The following UBE2A variants were observed in gnomAD, a reference collection of about 807,000 sequenced individuals.
UBE2A encodes ubiquitin conjugating enzyme E2 A, also known as ubiquitin-conjugating enzyme E2 A.
For synonymous variants in UBE2A, 39 were observed against 41.1 expected (o/e 0.95, Z 0.20); for missense variants, 27 against 125.8 (o/e 0.21, Z 3.76).
intron 3 of UBE2A, chrX:119,580,348 T>C (rs775847166): frequency 6.2e-5 from 7 of 112,144 alleles, no homozygotes; most frequent in Non-Finnish European, 1.1e-4. Context: ...TCTTCTCTCT[T>C]TCTTAAGCAG....
intron 3 of UBE2A, chrX:119,575,697 T>C: frequency 3.2e-6 from 1 of 312,654 alleles, no homozygotes; most frequent in South Asian, 4.4e-5. Context: ...GTAATTCTGC[T>C]AAATTCAGCC....
chrX:119,575,984 C>T (rs192165310), intron 3 of UBE2A, among the ~76,000 whole-genome samples: 52 of 112,138 alleles, frequency 4.6e-4, no homozygotes, highest in African/African-American at 1.6e-3. Flanking sequence ...AGTGAATTTG[C>T]AGTGTGTGCT....
intron 2 of UBE2A, 182 bp downstream of exon 2, chrX:119,575,163 C>T: frequency 1.3e-6 from 1 of 766,212 alleles, no homozygotes; most frequent in Non-Finnish European, 1.9e-6. Flanking sequence ...CCAGGGGGAA[C>T]CGCTTGGGGT....
At position 119,574,664 on chromosome X, in the gene UBE2A, G is replaced by A. The variant is rs1273814463; in HGVS notation, c.-48G>A. 1 of 1,178,412 alleles carries A rather than the reference G, an allele frequency of 8.5e-7. No homozygotes were observed. Among genetic ancestry groups the A allele is most frequent in the Non-Finnish European group, 1.1e-6 (1 of 879,168 alleles). On this transcript the variant is annotated 5_prime_UTR_variant, in exon 1 of 6. Coordinates refer to ENST00000371558, the MANE Select transcript of UBE2A (RefSeq NM_003336.4). ...CTCTTCGGCCTCCTCGCCCGCCGCG[G>A]GAACCCGAGACCCCAGTGTATGCCC...
intron 1 of UBE2A, 24 bp from the exon 2 acceptor site, chrX:119,574,877 G>A: frequency 8.3e-7 from 1 of 1,211,042 alleles, no homozygotes; most frequent in Non-Finnish European, 1.1e-6. Context: ...CGGCCTAGGG[G>A]GACCCCTGTC....
At chrX:119,582,212 C>CT (rs1369911634) in intron 4 of UBE2A, among the ~76,000 whole-genome samples, 2 of 112,371 alleles carry the variant, frequency 1.8e-5, no homozygotes, top group East Asian at 2.8e-4. Flanking sequence ...CTTGTGAACT[C>CT]TGAGTGATCT....
chrX:119,574,763 G>A lies in UBE2A; in HGVS notation c.44+8G>A. The A allele has an allele frequency of 2.5e-6, 3 of 1,190,210 alleles. No individual in the cohort carries two copies. The highest frequency in any genetic ancestry group is 3.4e-6 in the Non-Finnish European group (3 of 885,200). ...CATGCGGGACTTCAAGAGGTAAACC[G>A]AGGGGACGGCCGAGGCCGGGGGTTG... On this transcript the variant is annotated splice_region_variant and intron_variant, in intron 1 of 5. Coordinates refer to ENST00000371558, the MANE Select transcript of UBE2A (RefSeq NM_003336.4).
At chrX:119,580,295 T>G (rs1290288487) in intron 3 of UBE2A, 1 of 112,344 alleles carries the variant, frequency 8.9e-6, no homozygotes, top group African/African-American at 3.2e-5. Flanking sequence ...AACAAACTTT[T>G]TGATACTGTT....
chrX:119,575,267 C>G, intron 2 of UBE2A, 108 bp from the exon 3 acceptor site: 1 of 1,108,896 alleles, frequency 9.0e-7, no homozygotes. Context: ...TGGCTTCCGA[C>G]CCCGGTAGCG....
At chrX:119,582,523 T>C in intron 4 of UBE2A, 65 bp from the exon 5 acceptor site, 1 of 877,085 alleles carries the variant, frequency 1.1e-6, no homozygotes, top group Non-Finnish European at 1.6e-6. Flanking sequence ...TATTTTTGTT[T>C]TGTCTATAAT....
At chrX:119,578,518 G>A (rs2053432404) in intron 3 of UBE2A, among the ~76,000 whole-genome samples, 1 of 111,104 alleles carries the variant, frequency 9.0e-6, no homozygotes, top group South Asian at 3.8e-4. Flanking sequence ...TAAATCCTAT[G>A]ATGAAGAGTT....
At chrX:119,574,798 G>T (rs2053402500) in intron 1 of UBE2A, 43 bp downstream of exon 1, 5 of 1,185,654 alleles carry the variant, frequency 4.2e-6, no homozygotes, top group Non-Finnish European at 5.7e-6. Flanking sequence ...GCGAGCTGGG[G>T]CACAGGGCGG....
chrX:119,583,361 CTG>C lies in UBE2A; in HGVS notation c.*108_*109del. 1 of 1,112,344 alleles carries C rather than the reference CTG, an allele frequency of 9.0e-7. No individual in the cohort carries two copies. Among genetic ancestry groups the C allele is most frequent in the Non-Finnish European group, 1.2e-6 (1 of 813,030 alleles). 91.7% of individuals were successfully genotyped at this position (1,112,344 alleles called of 1,213,427 possible). A position where few individuals can be genotyped will look rare whatever the true frequency, so the allele number is the denominator to read the frequency against. On this transcript the variant is annotated 3_prime_UTR_variant, in exon 6 of 6. Coordinates refer to ENST00000371558, the MANE Select transcript of UBE2A (RefSeq NM_003336.4). ...ATTTACTTTATTAAAAGCAAAATAA[CTG>C]TTGTGCTGTTTCCATCTTCCTTGCC... is the stretch of plus-strand genomic sequence containing the variant.
At chrX:119,578,726 A>G (rs1342529067) in intron 3 of UBE2A, among the ~76,000 whole-genome samples, 1 of 111,463 alleles carries the variant, frequency 9.0e-6, no homozygotes, top group East Asian at 2.8e-4. Flanking sequence ...TACCCCCTCT[A>G]GTTCAACCAT....
chrX:119,583,800 G>A lies in UBE2A; in HGVS notation c.*545G>A, dbSNP rs1287210856. 1.7e-5 allele frequency: 2 copies of A among 117,139 alleles called. No individual in the cohort carries two copies. Among genetic ancestry groups the A allele is most frequent in the Middle Eastern group, 4.4e-3 (1 of 226 alleles). The allele number at this position is 117,139 out of a possible 1,213,427, so 9.7% of individuals were successfully genotyped here. ...AGATCTCAGTCATATGAATTACAAC[G>A]TAGTATTTACTGGCAAGAAGGAGAA... On this transcript the variant is annotated 3_prime_UTR_variant, in exon 6 of 6. Transcript: ENST00000371558.
At chrX:119,575,158 G>T (rs2053406896) in intron 2 of UBE2A, 177 bp downstream of exon 2, 13 of 771,315 alleles carry the variant, frequency 1.7e-5, no homozygotes, top group Non-Finnish European at 1.3e-5. Flanking sequence ...CGCTGCCAGG[G>T]GGAACCGCTT....
chrX:119,582,467 A>G (rs906736272), intron 4 of UBE2A, 121 bp from the exon 5 acceptor site: 1 of 467,755 alleles, frequency 2.1e-6, no homozygotes, highest in Admixed American at 3.6e-5. Flanking sequence ...GTTAACTGGG[A>G]AGCAACATAG....
chrX:119,580,405 T>A (rs1414759991), intron 3 of UBE2A: 1 of 112,257 alleles, frequency 8.9e-6, no homozygotes, highest in Non-Finnish European at 1.9e-5. Flanking sequence ...TTGCTAACTC[T>A]GAAGGAACCA....
At chrX:119,578,149 A>G (rs33999935) in intron 3 of UBE2A, among the ~76,000 whole-genome samples, 246 of 111,850 alleles carry the variant, frequency 2.2e-3, no homozygotes, top group African/African-American at 7.6e-3. Context: ...AGAGTGATGA[A>G]ATCTTAAGAC....
Sources: allele counts gnomAD v4.1 joint callset (sites outside exome capture counted in the v4.1 genomes callset), GRCh38; gene constraint gnomAD v4.1.1; transcripts MANE v1.5; gene names NCBI Gene and HGNC (gene_info 2026-07-23, HGNC 2026-07-21).